METTL6: variants seen among roughly 807,000 people sequenced by gnomAD.
The protein encoded by METTL6 is tRNA N(3)-cytidine methyltransferase METTL6.
Under a neutral mutation model 26.4 loss-of-function variants are expected in METTL6, and 22 were observed. The observed-to-expected ratio is 0.83, with a 90% CI of 0.59 to 1.19. METTL6 has a LOEUF of 1.19. Among genes scored for constraint, METTL6 ranks in the 50% most tolerant of loss-of-function variants. The pLI, the probability that METTL6 is intolerant of heterozygous loss-of-function variation, is 0.00. For synonymous variants in METTL6, 109 were observed against 116.2 expected, an observed-to-expected ratio of 0.94 and a Z score of 0.40; for missense variants, 304 against 324.8, an observed-to-expected ratio of 0.94 and a Z score of 0.49.
chr3:15,400,905 G>A (rs1291662469), intron 6 of METTL6, among the ~76,000 whole-genome samples: 2 of 152,128 alleles, frequency 1.3e-5, no homozygotes, highest in Non-Finnish European at 2.9e-5. Context: ...CAGTTTTGGA[G>A]TGATGGAGTG....
At chr3:15,416,844 T>C (rs539350184) in intron 3 of METTL6, among the ~76,000 whole-genome samples, 55 of 152,326 alleles carry the variant, frequency 3.6e-4, no homozygotes, top group African/African-American at 9.6e-4. Context: ...AGTTACTGGA[T>C]GGGAAAATTA....
At chr3:15,411,571 G>C in intron 5 of METTL6, 134 bp from the exon 6 acceptor site, 1 of 879,332 alleles carries the variant, frequency 1.1e-6, no homozygotes, top group Non-Finnish European at 1.6e-6. Flanking sequence ...AAAATTTAAA[G>C]GTTTTGATTT....
At chr3:15,394,126 C>G (rs1397615949) in intron 6 of METTL6, among the ~76,000 whole-genome samples, 2 of 152,190 alleles carry the variant, frequency 1.3e-5, no homozygotes, top group Non-Finnish European at 2.9e-5. Context: ...CCATCTGGTC[C>G]TGGACTTTTT....
chr3:15,395,032 T>C (rs1257493688), intron 6 of METTL6, among the ~76,000 whole-genome samples: 1 of 152,264 alleles, frequency 6.6e-6, no homozygotes, highest in Non-Finnish European at 1.5e-5. Flanking sequence ...GGTGCAGAGC[T>C]GAGTTCAAGT....
intron 6 of METTL6, among the ~76,000 whole-genome samples, chr3:15,399,230 C>T (rs1699572260): frequency 8.0e-6 from 1 of 125,746 alleles, no homozygotes; most frequent in South Asian, 2.8e-4. Context: ...CCCCAAAAAA[C>T]TCATGAATAA....
At chr3:15,406,229 T>C (rs1199201591), downstream of METTL6, among the ~76,000 whole-genome samples, 2 of 152,056 alleles carry the variant, frequency 1.3e-5, no homozygotes, top group African/African-American at 4.8e-5. Context: ...TTGTAGTCTA[T>C]ATGATTCCAC....
At chr3:15,423,606 C>A (rs55821709) in intron 3 of METTL6, among the ~76,000 whole-genome samples, 4,726 of 152,234 alleles carry the variant, frequency 0.031, 162 homozygotes, top group African/African-American at 0.084. Flanking sequence ...GCTGCCATGG[C>A]TCACGCCTGT....
rs1388301565 is a variant in METTL6, at chr3:15,426,401, C to T, written c.111G>A (p.Leu37=). 6.2e-7 allele frequency: 1 copy of T among 1,614,082 alleles called. No individual in the cohort carries two copies. The highest frequency in any genetic ancestry group is 8.5e-7 in the Non-Finnish European group (1 of 1,180,040). Residue 37 remains leucine (L), a synonymous_variant, in exon 2 of 6, where the codon TTG becomes TTA. Transcript: ENST00000383790. ...TLVSDFKQQK[L]EQEAQKNWDL... is the part of the protein sequence containing the mutation. ...CCCAATTTTTCTGAGCCTCTTGTTC[C>T]AATTTCTGCTGTTTAAAATCAGACA...
intron 3 of METTL6, among the ~76,000 whole-genome samples, chr3:15,421,632 T>C (rs542706386): frequency 5.0e-4 from 76 of 152,286 alleles, no homozygotes; most frequent in Non-Finnish European, 9.1e-4. Flanking sequence ...AAAAATCTTT[T>C]TGGCCAGGTG....
chr3:15,398,114 T>C (rs1699541942), intron 6 of METTL6, among the ~76,000 whole-genome samples: 1 of 151,964 alleles, frequency 6.6e-6, no homozygotes, highest in Non-Finnish European at 1.5e-5. Context: ...AAGCCTTTGA[T>C]GAGACTGATT....
intron 6 of METTL6, among the ~76,000 whole-genome samples, chr3:15,391,523 C>CT (rs1192473438): frequency 6.6e-6 from 1 of 152,060 alleles, no homozygotes; most frequent in Non-Finnish European, 1.5e-5. Context: ...TTTTATTATA[C>CT]TTTAAGTTTT....
chr3:15,382,221 C>T (rs1699097373), exon 7 of METTL6: 1 of 152,030 alleles, frequency 6.6e-6, no homozygotes. Flanking sequence ...GGCCACTTTT[C>T]ATTAGTCCTA....
chr3:15,391,236 GGC>G (rs1363441282), intron 6 of METTL6, among the ~76,000 whole-genome samples: 1 of 152,200 alleles, frequency 6.6e-6, no homozygotes, highest in Non-Finnish European at 1.5e-5. Context: ...ATGGGGAAAT[GGC>G]AGGCCAAAAA....
At chr3:15,419,399 T>C (rs938641883) in intron 3 of METTL6, among the ~76,000 whole-genome samples, 1 of 152,202 alleles carries the variant, frequency 6.6e-6, no homozygotes, top group African/African-American at 2.4e-5. Flanking sequence ...ACTCCAGTGC[T>C]TAGAACAGTG....
downstream of METTL6, among the ~76,000 whole-genome samples, chr3:15,406,607 TATATATATATATATATATATATAG>T (rs1320254329): frequency 3.3e-4 from 24 of 73,222 alleles, no homozygotes; most frequent in African/African-American, 5.9e-4. Flanking sequence ...TATATATATA[TATATATATATATATATATATATAG>T]AGAGAGAGAG....
At chr3:15,396,564 C>T (rs1206613568) in intron 6 of METTL6, among the ~76,000 whole-genome samples, 1 of 152,200 alleles carries the variant, frequency 6.6e-6, no homozygotes, top group Non-Finnish European at 1.5e-5. Flanking sequence ...AGGAGAGGCG[C>T]TCTGATTTTT....
intron 6 of METTL6, among the ~76,000 whole-genome samples, chr3:15,389,638 C>T (rs1699289605): frequency 6.6e-6 from 1 of 152,178 alleles, no homozygotes; most frequent in Admixed American, 6.5e-5. Flanking sequence ...CAACCTCCAC[C>T]TCCTGGGTTC....
chr3:15,386,417 T>A (rs928481405), intron 6 of METTL6, among the ~76,000 whole-genome samples: 3 of 151,892 alleles, frequency 2.0e-5, no homozygotes, highest in Non-Finnish European at 4.4e-5. Context: ...GAATGAGAGT[T>A]TATTAAAAAG....
At chr3:15,418,681 T>C (rs565941032) in intron 3 of METTL6, among the ~76,000 whole-genome samples, 55 of 152,186 alleles carry the variant, frequency 3.6e-4, no homozygotes, top group African/African-American at 9.9e-4. Context: ...ACCAAAATTA[T>C]AAAATAACTA....
Sources: gnomAD v4.1 joint callset for allele counts (sites outside exome capture counted in the v4.1 genomes callset) on GRCh38, gnomAD v4.1.1 for gene constraint, MANE v1.5 for transcripts, NCBI Gene and HGNC (gene_info 2026-07-23, HGNC 2026-07-21) for gene names.